Variants in PARD3B observed in about 807,000 individuals in gnomAD.
The protein encoded by PARD3B is partitioning defective 3 homolog B.
In PARD3B, 103 loss-of-function variants were observed where a neutral mutation model predicts 130.2. That is an observed-to-expected ratio of 0.79 (90% confidence interval 0.67 to 0.93). The LOEUF (loss-of-function observed/expected upper bound fraction) is 0.93. Ranked by LOEUF, PARD3B falls within the 40% of genes least tolerant of loss-of-function variation. The probability of loss-of-function intolerance (pLI) is 0.00; values close to 1 mark genes in which losing one functional copy is unlikely to be tolerated. For synonymous variants in PARD3B, 583 were observed against 553.2 expected, an observed-to-expected ratio of 1.05 and a Z score of -0.76; for missense variants, 1,609 against 1,499.2, an observed-to-expected ratio of 1.07 and a Z score of -1.21.
intron 1 of PARD3B, among the ~76,000 whole-genome samples, chr2:204,613,730 TG>T (rs1371473294): frequency 8.5e-5 from 13 of 152,220 alleles, no homozygotes; most frequent in Admixed American, 6.5e-4. Flanking sequence ...TTATGAACTT[TG>T]TTTTATTCCT....
At chr2:205,029,525 G>T (rs1697278348) in intron 3 of PARD3B, among the ~76,000 whole-genome samples, 1 of 152,170 alleles carries the variant, frequency 6.6e-6, no homozygotes, top group Non-Finnish European at 1.5e-5. Flanking sequence ...ATAGATGAAT[G>T]GATTACGAAT....
At chr2:205,379,349 C>T (rs1024643680) in intron 18 of PARD3B, among the ~76,000 whole-genome samples, 1 of 152,038 alleles carries the variant, frequency 6.6e-6, no homozygotes, top group Admixed American at 6.6e-5. Context: ...GATTGGCCTC[C>T]AGTGAACCTG....
At chr2:205,200,640 A>G (rs2036938501) in intron 15 of PARD3B, among the ~76,000 whole-genome samples, 1 of 152,222 alleles carries the variant, frequency 6.6e-6, no homozygotes, top group Non-Finnish European at 1.5e-5. Context: ...CCAGGTAAAT[A>G]AGACAAAGGC....
chr2:205,023,892 G>A (rs762039133), intron 3 of PARD3B, among the ~76,000 whole-genome samples: 36 of 152,116 alleles, frequency 2.4e-4, no homozygotes, highest in Middle Eastern at 3.4e-3. Context: ...TTGCTGTTTG[G>A]GGGATAGGAG....
rs757791681 is a variant in PARD3B, at chr2:205,585,924, G to A, written c.3261-29532G>A. 6.6e-6 allele frequency among the ~76,000 whole-genome samples: 1 copy of A among 152,172 alleles called. No individual in the cohort carries two copies. Among genetic ancestry groups the A allele is most frequent in the Non-Finnish European group, 1.5e-5 (1 of 68,036 alleles). On this transcript the variant is annotated intron_variant, in intron 22 of 22. Coordinates refer to ENST00000406610, the MANE Select transcript of PARD3B (RefSeq NM_001302769.2). This position sits in a 1 kb window ranked among gnomAD's most constrained non-coding sequence, Gnocchi z 5.4. ...TCTTACATTCAACAGAGCAGCCTAC[G>A]TCCACAATAAACCAACAGTCCAGGC...
intron 21 of PARD3B, among the ~76,000 whole-genome samples, chr2:205,511,273 C>G (rs1243762061): frequency 6.6e-6 from 1 of 152,176 alleles, no homozygotes; most frequent in African/African-American, 2.4e-5. Context: ...TTACCCATCT[C>G]TGGCTCAAAC....
At chr2:205,535,912 GGT>G in intron 21 of PARD3B, among the ~76,000 whole-genome samples, 1 of 152,226 alleles carries the variant, frequency 6.6e-6, no homozygotes, top group Non-Finnish European at 1.5e-5. Context: ...TTCATTTCCT[GGT>G]GTTTTCTCCT....
intron 2 of PARD3B, among the ~76,000 whole-genome samples, chr2:204,827,213 A>G (rs1470989732): frequency 6.6e-6 from 1 of 152,236 alleles, no homozygotes; most frequent in Non-Finnish European, 1.5e-5. Context: ...AATATTGTGT[A>G]TTGAACCAGT....
intron 3 of PARD3B, among the ~76,000 whole-genome samples, chr2:204,999,049 A>G (rs1270508056): frequency 6.6e-6 from 1 of 151,854 alleles, no homozygotes; most frequent in Non-Finnish European, 1.5e-5. Context: ...CAAACTGGCA[A>G]TAAAGTGTAA....
rs2125761627 is a variant in PARD3B at position 205,176,402 on chromosome 2, A to T, written c.1792-43A>T. On this transcript the variant is annotated intron_variant, in intron 12 of 22. Coordinates refer to ENST00000406610, the MANE Select transcript of PARD3B (RefSeq NM_001302769.2). The surrounding 1 kb of genome is among the most constrained non-coding windows in gnomAD (Gnocchi z 5.3). ...CTTTGCTTCAACTGACCAAGTTGGA[A>T]CATATTAAAAATGCAAATGTAATTT... The T allele has an allele frequency of 6.4e-7, 1 of 1,551,866 alleles. No individual in the cohort carries two copies. Among genetic ancestry groups the T allele is most frequent in the Non-Finnish European group, 8.7e-7 (1 of 1,145,156 alleles).
Position 205,550,288 on chromosome 2 carries a change from C to T in PARD3B, c.3181-3036C>T, listed in dbSNP as rs1160310594. On this transcript the variant is annotated intron_variant, in intron 21 of 22. Coordinates refer to ENST00000406610, the MANE Select transcript of PARD3B (RefSeq NM_001302769.2). This position sits in a 1 kb window ranked among gnomAD's most constrained non-coding sequence, Gnocchi z 4.5. ...TTTGGAATTTCTTCCTGCGGACTCC[C>T]ACTGCCTCCTTCCTCAGACTTCCAC... Among the ~76,000 whole-genome samples, 1 of 152,172 alleles carries T rather than the reference C, an allele frequency of 6.6e-6. No homozygotes were observed. Among genetic ancestry groups the T allele is most frequent in the Non-Finnish European group, 1.5e-5 (1 of 68,034 alleles).
At chr2:204,778,082 T>C (rs975608698) in intron 2 of PARD3B, among the ~76,000 whole-genome samples, 2 of 149,284 alleles carry the variant, frequency 1.3e-5, no homozygotes, top group African/African-American at 5.0e-5. Context: ...CCTTTGTTTA[T>C]AAATTATCCA....
intron 2 of PARD3B, among the ~76,000 whole-genome samples, chr2:204,918,040 T>C (rs1008658074): frequency 3.9e-5 from 6 of 152,208 alleles, no homozygotes; most frequent in Admixed American, 2.6e-4. Context: ...TTAGAGTACT[T>C]TGTAGCCTGA....
chr2:204,936,591 A>G (rs1271341405), intron 2 of PARD3B, among the ~76,000 whole-genome samples: 1 of 152,238 alleles, frequency 6.6e-6, no homozygotes, highest in Non-Finnish European at 1.5e-5. Flanking sequence ...ATGATGGAGC[A>G]TAGCTGTAGA....
intron 2 of PARD3B, among the ~76,000 whole-genome samples, chr2:204,921,510 T>C (rs919775397): frequency 1.3e-5 from 2 of 151,868 alleles, no homozygotes; most frequent in Non-Finnish European, 2.9e-5. Flanking sequence ...TTAAGATGTT[T>C]TGACAATTAG....
chr2:204,684,827 A>G (rs1476383660), intron 1 of PARD3B, among the ~76,000 whole-genome samples: 1 of 152,188 alleles, frequency 6.6e-6, no homozygotes, highest in East Asian at 1.9e-4. Flanking sequence ...CAGTATTAGA[A>G]GTAAACAAAA....
chr2:205,319,775 T>TAACA (rs2042685462), intron 18 of PARD3B, among the ~76,000 whole-genome samples: 1 of 152,226 alleles, frequency 6.6e-6, no homozygotes, highest in Non-Finnish European at 1.5e-5. Context: ...AAATAGTAAC[T>TAACA]AACAATCAGT....
intron 2 of PARD3B, among the ~76,000 whole-genome samples, chr2:204,800,911 G>A (rs2042544094): frequency 6.6e-6 from 1 of 152,168 alleles, no homozygotes; most frequent in Admixed American, 6.5e-5. Context: ...AAGGGGTCCA[G>A]TTTCAGTTTT....
intron 18 of PARD3B, among the ~76,000 whole-genome samples, chr2:205,392,087 C>T (rs114777696): frequency 3.9e-3 from 587 of 152,278 alleles, no homozygotes; most frequent in African/African-American, 5.6e-3. Context: ...TTATTTTTAA[C>T]GTATCTGGTA....
Sources: gnomAD v4.1 joint callset for allele counts (sites outside exome capture counted in the v4.1 genomes callset) on GRCh38, gnomAD v4.1.1 for gene constraint, Gnocchi (gnomAD v3.1) non-coding constraint, MANE v1.5 for transcripts, NCBI Gene and HGNC (gene_info 2026-07-23, HGNC 2026-07-21) for gene names.